The following DLG2 variants were observed in gnomAD, a reference collection of about 807,000 sequenced individuals.
The protein encoded by DLG2 is disks large homolog 2.
Under a neutral mutation model 132.5 loss-of-function variants are expected in DLG2, and 45 were observed. The ratio of observed to expected loss-of-function variants is 0.34; its 90% CI spans 0.27 to 0.44. The LOEUF (loss-of-function observed/expected upper bound fraction) is 0.44. Ranked by LOEUF, DLG2 falls within the 20% of genes least tolerant of loss-of-function variation. The pLI, the probability that DLG2 is intolerant of heterozygous loss-of-function variation, is 1.00. For missense variants in DLG2, 1,045 were observed against 1,196.9 expected (o/e 0.87, Z 1.87); for synonymous variants, 424 against 419.6 (o/e 1.01, Z -0.13).
chr11:84,593,817 A>T lies in DLG2; in HGVS notation c.358-59086T>A, dbSNP rs539909779. Among the ~76,000 whole-genome samples the T allele has an allele frequency of 4.6e-5, 7 of 152,292 alleles. No individual in the cohort carries two copies. The South Asian group carries it at 1.5e-3, about 32-fold the overall frequency. ...ATTATAATTTAAAAAAAGAAAAAGA[A>T]AAAAGAGATTCTCTCTATAGCCAAT... On this transcript the variant is annotated intron_variant, in intron 6 of 27. Transcript: ENST00000376104.
intron 7 of DLG2, among the ~76,000 whole-genome samples, chr11:84,448,376 C>T (rs2099041702): frequency 6.6e-6 from 1 of 152,118 alleles, no homozygotes; most frequent in Admixed American, 6.5e-5. Flanking sequence ...TAGTCCATGA[C>T]ATTTATGAGC....
intron 18 of DLG2, chr11:83,682,569 G>T: frequency 2.0e-6 from 1 of 504,330 alleles, no homozygotes; most frequent in Non-Finnish European, 2.6e-6. Context: ...ACCCAGCTCA[G>T]TGAGGAGTAG....
chr11:84,317,118 T>C (rs1227103794), intron 7 of DLG2: 1 of 1,612,578 alleles, frequency 6.2e-7, no homozygotes, highest in Admixed American at 1.7e-5. Flanking sequence ...CGGCTGCAGC[T>C]GTGTTGCTTG....
chr11:84,865,327 A>G (rs189973461), intron 6 of DLG2, among the ~76,000 whole-genome samples: 284 of 152,264 alleles, frequency 1.9e-3, no homozygotes, highest in Middle Eastern at 6.8e-3. Flanking sequence ...TATTTCCAAC[A>G]CTGTTGTAGG....
chr11:85,579,385 T>A (rs1471003011), intron 3 of DLG2, among the ~76,000 whole-genome samples: 1 of 151,336 alleles, frequency 6.6e-6, no homozygotes, highest in African/African-American at 2.4e-5. Context: ...GAAATCAAAA[T>A]AAAAGTTAAA....
chr11:83,807,591 C>T lies in DLG2; in HGVS notation c.1723-20799G>A, dbSNP rs183589989. On this transcript the variant is annotated intron_variant, in intron 17 of 27. Coordinates refer to ENST00000376104, the MANE Select transcript of DLG2 (RefSeq NM_001142699.3). Reference sequence around the variant, plus strand: ...TAAATAATAGGAAGGAGGGGAAAAGCGAATCAGGAGAACAGAAAAGAAAAG... The same window carrying T: ...TAAATAATAGGAAGGAGGGGAAAAGTGAATCAGGAGAACAGAAAAGAAAAG... Among the ~76,000 whole-genome samples, 587 of 151,948 alleles carry T rather than the reference C, an allele frequency of 3.9e-3. 9 individuals are homozygous for T. Among genetic ancestry groups the T allele is most frequent in the Non-Finnish European group, 2.6e-3 (179 of 67,950 alleles).
chr11:83,557,937 A>G (rs2096547526), intron 19 of DLG2, among the ~76,000 whole-genome samples: 2 of 152,144 alleles, frequency 1.3e-5, no homozygotes, highest in Admixed American at 1.3e-4. Context: ...AATATCCACA[A>G]GGGGCCTTTT....
chr11:84,902,882 C>T (rs567582582), intron 6 of DLG2, among the ~76,000 whole-genome samples: 1 of 152,280 alleles, frequency 6.6e-6, no homozygotes, highest in Admixed American at 6.5e-5. Flanking sequence ...CTGCCACTCC[C>T]GTAACTCACA....
intron 7 of DLG2, among the ~76,000 whole-genome samples, chr11:84,306,892 G>GA (rs2098225400): frequency 6.6e-6 from 1 of 152,206 alleles, no homozygotes. Flanking sequence ...ACACTTCAGT[G>GA]AGAGTGCAAA....
chr11:84,835,407 C>A (rs2079615625), intron 6 of DLG2, among the ~76,000 whole-genome samples: 1 of 151,578 alleles, frequency 6.6e-6, no homozygotes, highest in Admixed American at 6.6e-5. Context: ...GATTTCTTAT[C>A]TACAAAATGG....
chr11:84,208,635 C>T (rs771129525), intron 8 of DLG2, among the ~76,000 whole-genome samples: 3 of 152,040 alleles, frequency 2.0e-5, no homozygotes, highest in Non-Finnish European at 4.4e-5. Context: ...TGAGCCACCA[C>T]TCCTGGCCAG....
intron 3 of DLG2, among the ~76,000 whole-genome samples, chr11:85,466,451 T>C (rs1054995349): frequency 3.9e-5 from 6 of 152,234 alleles, no homozygotes; most frequent in African/African-American, 1.2e-4. Flanking sequence ...AGGTCTAATA[T>C]GTAAGTCTTT....
chr11:83,518,006 T>C (rs575078297), intron 21 of DLG2, among the ~76,000 whole-genome samples: 24 of 152,294 alleles, frequency 1.6e-4, no homozygotes, highest in African/African-American at 4.6e-4. Context: ...TGTTCTCAGA[T>C]CTCAAGGTGC....
chr11:83,726,164 A>C (rs2089962845), intron 18 of DLG2, among the ~76,000 whole-genome samples: 1 of 152,232 alleles, frequency 6.6e-6, no homozygotes, highest in East Asian at 1.9e-4. Flanking sequence ...TCACTAGGAA[A>C]ACAGCACTGA....
At chr11:84,631,130 A>G (rs1454677623) in intron 6 of DLG2, among the ~76,000 whole-genome samples, 1 of 151,098 alleles carries the variant, frequency 6.6e-6, no homozygotes, top group Non-Finnish European at 1.5e-5. Flanking sequence ...GTTGAATGGT[A>G]AACAAGGCTA....
chr11:84,938,216 C>T (rs1341893826), intron 6 of DLG2, among the ~76,000 whole-genome samples: 2 of 152,094 alleles, frequency 1.3e-5, no homozygotes, highest in Non-Finnish European at 2.9e-5. Flanking sequence ...GAGATATTGC[C>T]TTATTCTGCT....
chr11:83,966,331 T>C (rs904672739), intron 12 of DLG2, among the ~76,000 whole-genome samples: 1 of 152,044 alleles, frequency 6.6e-6, no homozygotes, highest in Non-Finnish European at 1.5e-5. Flanking sequence ...AAATGTCATT[T>C]AATATGAGTC....
chr11:83,854,959 CAACA>C (rs1247928349), intron 16 of DLG2, among the ~76,000 whole-genome samples: 3 of 152,106 alleles, frequency 2.0e-5, no homozygotes, highest in South Asian at 2.1e-4. Context: ...TCCTAAAACT[CAACA>C]AACAAACAAA....
chr11:85,264,038 C>T (rs1331210127), intron 4 of DLG2, among the ~76,000 whole-genome samples: 1 of 151,998 alleles, frequency 6.6e-6, no homozygotes, highest in Non-Finnish European at 1.5e-5. Flanking sequence ...GGTCGTGCTG[C>T]TAGGGTTATG....
Sources: allele counts gnomAD v4.1 joint callset (sites outside exome capture counted in the v4.1 genomes callset), GRCh38; gene constraint gnomAD v4.1.1; transcripts MANE v1.5; gene names NCBI Gene and HGNC (gene_info 2026-07-23, HGNC 2026-07-21).